Variants in ECPAS observed in about 807,000 individuals in gnomAD.
ECPAS encodes the protein proteasome adapter and scaffold protein ECM29.
In ECPAS, 70 loss-of-function variants were observed where a neutral mutation model predicts 255.1. The observed-to-expected ratio is 0.27, with a 90% confidence interval of 0.23 to 0.33. ECPAS has a LOEUF of 0.33. ECPAS is among the 10% of genes least tolerant of loss of function. The probability of loss-of-function intolerance (pLI) is 1.00; values close to 1 mark genes in which losing one functional copy is unlikely to be tolerated. For synonymous variants in ECPAS, 784 were observed against 775.0 expected (o/e 1.01, Z -0.19); for missense variants, 1,817 against 2,206.4 (o/e 0.82, Z 3.54).
intron 1 of ECPAS, among the ~76,000 whole-genome samples, chr9:111,479,450 G>A (rs4978439): frequency 0.064 from 9,693 of 151,658 alleles, 457 homozygotes; most frequent in East Asian, 0.21. Context: ...AAAATTAGCC[G>A]GGCATGGTGG....
intron 31 of ECPAS, among the ~76,000 whole-genome samples, chr9:111,386,797 C>T (rs1270265490): frequency 6.6e-6 from 1 of 152,224 alleles, no homozygotes; most frequent in Non-Finnish European, 1.5e-5. Context: ...TTGGCACATG[C>T]CACCTCTCCC....
chr9:111,442,132 G>GA (rs1439073463), intron 5 of ECPAS, among the ~76,000 whole-genome samples, 174 bp downstream of exon 5: 1 of 152,166 alleles, frequency 6.6e-6, no homozygotes, highest in Non-Finnish European at 1.5e-5. Context: ...GAAATTTTAT[G>GA]ATAGTATTAA....
At chr9:111,432,744 A>G (rs1186349849) in intron 8 of ECPAS, among the ~76,000 whole-genome samples, 1 of 152,162 alleles carries the variant, frequency 6.6e-6, no homozygotes, top group Non-Finnish European at 1.5e-5. Flanking sequence ...CATTGACTTT[A>G]TTTCTTATAC....
At chr9:111,482,806 A>T (rs967809290) in intron 1 of ECPAS, among the ~76,000 whole-genome samples, 2 of 152,050 alleles carry the variant, frequency 1.3e-5, no homozygotes, top group Admixed American at 6.5e-5. Flanking sequence ...CCCACAAAGC[A>T]TTGAGGCGAA....
chr9:111,478,442 G>A (rs1258633354), intron 1 of ECPAS, among the ~76,000 whole-genome samples: 9 of 151,914 alleles, frequency 5.9e-5, no homozygotes, highest in East Asian at 1.9e-4. Flanking sequence ...CAGGAGAATC[G>A]CTTGAACCCA....
At chr9:111,417,050 G>C (rs2098204846) in intron 17 of ECPAS, among the ~76,000 whole-genome samples, 1 of 152,020 alleles carries the variant, frequency 6.6e-6, no homozygotes. Context: ...AACCAGCGTG[G>C]GCAATATAGC....
chr9:111,437,021 T>G lies in ECPAS; in HGVS notation c.627A>C (p.Pro209=). 1.2e-6 allele frequency: 2 copies of G among 1,613,300 alleles called. No individual in the cohort carries two copies. Among genetic ancestry groups the G allele is most frequent in the Non-Finnish European group, 1.7e-6 (2 of 1,179,638 alleles). ...SSNSGGGSGI[P]QPPPGMSFYA... is the part of the protein sequence containing the mutation. ...AAAAGCTCATTCCCGGAGGAGGCTGTGGGATTCCAGAACCTCCGCCACTGT... is the reference window on the plus strand; with the variant it reads ...AAAAGCTCATTCCCGGAGGAGGCTGGGGGATTCCAGAACCTCCGCCACTGT... Residue 209 remains proline, a synonymous_variant, in exon 7 of 50, where the codon CCA becomes CCC. Transcript: ENST00000684092.
In ECPAS at chr9:111,410,970, C is replaced by T; in HGVS notation, c.2377+10G>A. ...TGCAACACCCAAATCGACATAAAGA[C>T]ATTAATTACCTATTGTTTCTGTAGC... is the stretch of plus-strand genomic sequence containing the variant. On this transcript the variant is annotated intron_variant, in intron 22 of 49. Coordinates refer to ENST00000684092, the MANE Select transcript of ECPAS (RefSeq NM_001364929.1). The T allele has an allele frequency of 1.2e-6, 2 of 1,607,156 alleles. No homozygotes were observed. Among genetic ancestry groups the T allele is most frequent in the Non-Finnish European group, 1.7e-6 (2 of 1,175,558 alleles).
intron 1 of ECPAS, among the ~76,000 whole-genome samples, chr9:111,479,841 C>T (rs2098301775): frequency 6.6e-6 from 1 of 151,636 alleles, no homozygotes; most frequent in Non-Finnish European, 1.5e-5. Flanking sequence ...TAGCTGGGCG[C>T]AGTGACAGGT....
intron 48 of ECPAS, among the ~76,000 whole-genome samples, chr9:111,364,284 T>C (rs977593105): frequency 1.3e-5 from 2 of 152,152 alleles, no homozygotes; most frequent in Non-Finnish European, 2.9e-5. Context: ...CTTGTTATGC[T>C]ACAAAGTACA....
chr9:111,432,396 C>T (rs1176539898), intron 8 of ECPAS, among the ~76,000 whole-genome samples: 1 of 152,176 alleles, frequency 6.6e-6, no homozygotes, highest in Non-Finnish European at 1.5e-5. Context: ...CGTGGATCAC[C>T]TGAGCTCAGG....
rs1564545313 is a variant in ECPAS, at chr9:111,437,045, G to A, written c.603C>T (p.Asn201=). The A allele has an allele frequency of 1.9e-6, 3 of 1,613,108 alleles. No homozygotes were observed. The highest frequency in any genetic ancestry group is 2.7e-5 in the African/African-American group (2 of 74,840). ...GTGGGATTCCAGAACCTCCGCCACT[G>A]TTTGAAGAAGAACCCTGTGCTGAAG... ...NSSSAQGSSS[N]SGGGSGIPQP... is the part of the protein sequence containing the mutation. The change falls in exon 7 of 50, where the codon AAC becomes AAT. Residue 201 remains asparagine (N), a synonymous_variant. Coordinates refer to ENST00000684092, the MANE Select transcript of ECPAS (RefSeq NM_001364929.1).
chr9:111,436,615 TA>T (rs1380844836), intron 7 of ECPAS, among the ~76,000 whole-genome samples: 1 of 151,068 alleles, frequency 6.6e-6, no homozygotes, highest in African/African-American at 2.4e-5. Flanking sequence ...AACCTATAAT[TA>T]AAAAATTAAA....
chr9:111,481,518 A>G (rs916118091), intron 1 of ECPAS, among the ~76,000 whole-genome samples: 1 of 152,152 alleles, frequency 6.6e-6, no homozygotes, highest in Non-Finnish European at 1.5e-5. Flanking sequence ...GAAAAAAAAA[A>G]GAAAAAAGAA....
rs1412769549 is a variant in ECPAS, at chr9:111,408,690, T to A, written c.2551-18A>T. On this transcript the variant is annotated intron_variant, in intron 23 of 49. Coordinates refer to ENST00000684092, the MANE Select transcript of ECPAS (RefSeq NM_001364929.1). The stretch of plus-strand genomic sequence containing the variant: ...TCTTTCATCTGGAAGAACACCAAAT[T>A]TTTTTCTTTTAAACAGAGTATATAA... The A allele has an allele frequency of 6.6e-7, 1 of 1,505,472 alleles. No homozygotes were observed. Among genetic ancestry groups the A allele is most frequent in the Non-Finnish European group, 8.9e-7 (1 of 1,118,236 alleles). The allele number at this position is 1,505,472 out of a possible 1,614,324, so 93.3% of individuals were successfully genotyped here.
chr9:111,428,203 T>A (rs1297736161), intron 9 of ECPAS, 42 bp from the exon 10 acceptor site: 13 of 1,564,780 alleles, frequency 8.3e-6, no homozygotes, highest in Non-Finnish European at 1.1e-5. Flanking sequence ...AATTCAAAAT[T>A]ATTTTGAACT....
At chr9:111,373,890 T>G in intron 39 of ECPAS, 82 bp downstream of exon 39, 1 of 1,020,924 alleles carries the variant, frequency 9.8e-7, no homozygotes, top group East Asian at 2.4e-5. Context: ...GTCTGAATGA[T>G]AAGTATTTTT....
At chr9:111,453,308 G>A (rs562505532) in intron 2 of ECPAS, among the ~76,000 whole-genome samples, 1 of 150,908 alleles carries the variant, frequency 6.6e-6, no homozygotes, top group East Asian at 1.9e-4. Flanking sequence ...CTGAAAGAAC[G>A]TCATTGCCCA....
intron 31 of ECPAS, among the ~76,000 whole-genome samples, chr9:111,387,466 C>T (rs889920557): frequency 6.6e-5 from 10 of 151,426 alleles, no homozygotes; most frequent in African/African-American, 2.4e-4. Flanking sequence ...TCTCGCTCAT[C>T]GTCAGTGCAG....
Sources: gnomAD v4.1 joint callset for allele counts (sites outside exome capture counted in the v4.1 genomes callset) on GRCh38, gnomAD v4.1.1 for gene constraint, MANE v1.5 for transcripts, NCBI Gene and HGNC (gene_info 2026-07-23, HGNC 2026-07-21) for gene names.